The following KDM4B variants were observed in gnomAD, a reference collection of about 807,000 sequenced individuals.
KDM4B encodes lysine demethylase 4B, also known as lysine-specific demethylase 4B.
KDM4B carries 32 observed loss-of-function variants against 125.2 expected under a neutral mutation model. The observed-to-expected ratio is 0.26, with a 90% confidence interval of 0.19 to 0.34. KDM4B has a LOEUF of 0.34. Ranked by LOEUF, KDM4B falls within the 10% of genes least tolerant of loss-of-function variation. KDM4B has a pLI of 1.00. For synonymous variants in KDM4B, 721 were observed against 677.9 expected (o/e 1.06, Z -0.99); for missense variants, 1,190 against 1,577.7 (o/e 0.75, Z 4.16).
intron 6 of KDM4B, among the ~76,000 whole-genome samples, chr19:5,062,806 AG>A (rs1014882686): frequency 1.7e-5 from 2 of 118,020 alleles, no homozygotes; most frequent in African/African-American, 6.5e-5. Flanking sequence ...TTAGAGATAG[AG>A]TTTCCCTCTG....
chr19:4,971,814 C>T lies in KDM4B; in HGVS notation c.-109+2584C>T, dbSNP rs921853309. On this transcript the variant is annotated intron_variant, in intron 1 of 22. Coordinates refer to ENST00000159111, the MANE Select transcript of KDM4B (RefSeq NM_015015.3). The surrounding 1 kb of genome is among the most constrained non-coding windows in gnomAD (Gnocchi z 4.1). ...TGGCTTTGTTCCCTGGATCGGGGAG[C>T]GGAATTGGGGGTTCAGAGCTGGGTG... Among the ~76,000 whole-genome samples, 4 of 151,920 alleles carry T rather than the reference C, an allele frequency of 2.6e-5. No homozygotes were observed. Among genetic ancestry groups the T allele is most frequent in the East Asian group, 1.9e-4 (1 of 5,184 alleles).
In KDM4B at chr19:5,093,536, C is replaced by T. The variant is rs549153747; in HGVS notation, c.918+11032C>T. Among the ~76,000 whole-genome samples, 87 of 152,346 alleles carry T rather than the reference C, an allele frequency of 5.7e-4. No individual in the cohort carries two copies. The South Asian group carries it at 7.7e-3, about 13-fold the overall frequency. ...TAATGAACTGGTTTGTTATCGGCCT[C>T]ACTGCAGCGCTGATAATTACATCAG... On this transcript the variant is annotated intron_variant, in intron 9 of 22. Coordinates refer to ENST00000159111, the MANE Select transcript of KDM4B (RefSeq NM_015015.3).
At chr19:5,055,727 G>C (rs1599518332) in intron 6 of KDM4B, among the ~76,000 whole-genome samples, 1 of 152,316 alleles carries the variant, frequency 6.6e-6, no homozygotes, top group East Asian at 1.9e-4. Flanking sequence ...TCTCATTCTT[G>C]TCCCAGGCTT....
intron 5 of KDM4B, among the ~76,000 whole-genome samples, chr19:5,045,648 A>C (rs2037002441): frequency 6.6e-6 from 1 of 151,124 alleles, no homozygotes; most frequent in Non-Finnish European, 1.5e-5. Context: ...CTAATTTTTG[A>C]ATTTTTAGTA....
chr19:4,970,268 G>C (rs1359544671), intron 1 of KDM4B, among the ~76,000 whole-genome samples: 1 of 152,232 alleles, frequency 6.6e-6, no homozygotes, highest in African/African-American at 2.4e-5. Context: ...TGTTTGCTTG[G>C]GGGAGGATGC....
chr19:5,070,800 G>T, intron 6 of KDM4B: 1 of 507,686 alleles, frequency 2.0e-6, no homozygotes, highest in Non-Finnish European at 3.5e-6. Flanking sequence ...CTCACTCCCC[G>T]CTCCTCCACC....
At chr19:5,039,690 TGGG>T (rs34116402) in intron 3 of KDM4B, 143 bp from the exon 4 acceptor site, 16 of 807,212 alleles carry the variant, frequency 2.0e-5, no homozygotes, top group South Asian at 1.8e-4. Context: ...ATAAGGCAAA[TGGG>T]GGGGTTCCTC....
chr19:5,125,163 C>G (rs1375810392), intron 11 of KDM4B, among the ~76,000 whole-genome samples: 1 of 152,246 alleles, frequency 6.6e-6, no homozygotes, highest in Non-Finnish European at 1.5e-5. Context: ...GCTGGGATTA[C>G]AGGTATGAGC....
At chr19:5,119,968 A>C (rs1239960003) in intron 11 of KDM4B, 116 bp downstream of exon 11, 3 of 1,307,872 alleles carry the variant, frequency 2.3e-6, no homozygotes, top group African/African-American at 1.5e-5. Flanking sequence ...AATCTGATTC[A>C]GTGGCTTTCT....
intron 9 of KDM4B, among the ~76,000 whole-genome samples, chr19:5,103,546 C>T (rs2038978500): frequency 6.6e-6 from 1 of 152,186 alleles, no homozygotes; most frequent in African/African-American, 2.4e-5. Context: ...GGTGTTTGGG[C>T]ACCAGCTGAC....
At chr19:5,063,945 G>A (rs374640869) in intron 6 of KDM4B, among the ~76,000 whole-genome samples, 36 of 152,306 alleles carry the variant, frequency 2.4e-4, no homozygotes, top group African/African-American at 5.8e-4. Context: ...TGAGGGGCTC[G>A]TGTGGATGTG....
Position 5,131,139 on chromosome 19 carries a change from G to C in KDM4B, c.1379G>C (p.Gly460Ala). ...AGCGAGCGGAAGAAGAAGAGCTTCGGCCTGCTGCCCCCACAGCTGCCGCCC... is the reference window on the plus strand; with the variant it reads ...AGCGAGCGGAAGAAGAAGAGCTTCGCCCTGCTGCCCCCACAGCTGCCGCCC... ...AKSERKKKSF[G>A]LLPPQLPPPP... is the part of the protein sequence containing the mutation. The change falls in exon 12 of 23, where the codon GGC becomes GCC. Residue 460 changes from glycine to alanine, a missense_variant. Gly to Ala is a moderately conservative substitution (Grantham distance 60). Coordinates refer to ENST00000159111, the MANE Select transcript of KDM4B (RefSeq NM_015015.3). 6.5e-7 allele frequency: 1 copy of C among 1,541,986 alleles called. No individual in the cohort carries two copies. The highest frequency in any genetic ancestry group is 8.7e-7 in the Non-Finnish European group (1 of 1,144,270).
chr19:5,146,939 C>CAAAAAAAA lies in KDM4B; in HGVS notation c.3021+2053_3021+2060dup, dbSNP rs1182135277. 9.9e-3 allele frequency among the ~76,000 whole-genome samples: 593 copies of CAAAAAAAA among 59,982 alleles called. 5 individuals are homozygous for CAAAAAAAA. Among genetic ancestry groups the CAAAAAAAA allele is most frequent in the Non-Finnish European group, 0.01 (364 of 34,906 alleles). The allele number at this position is 59,982 out of a possible 152,430, so 39.4% of individuals were successfully genotyped here. Reference sequence around the variant, plus strand: ...TTGGGTGACACTGAGACCCTGTCTCCAAAAAAAAAAAAAAAAAAAAAAACA... The same window carrying CAAAAAAAA: ...TTGGGTGACACTGAGACCCTGTCTCCAAAAAAAAAAAAAAAAAAAAAAAAAAAAAAACA... On this transcript the variant is annotated intron_variant, in intron 21 of 22. Coordinates refer to ENST00000159111, the MANE Select transcript of KDM4B (RefSeq NM_015015.3).
chr19:4,995,015 T>C (rs2145400031), intron 1 of KDM4B, among the ~76,000 whole-genome samples: 1 of 152,214 alleles, frequency 6.6e-6, no homozygotes, highest in African/African-American at 2.4e-5. Flanking sequence ...ATGGCTTGGG[T>C]TTTCAAGGAT....
intron 21 of KDM4B, among the ~76,000 whole-genome samples, chr19:5,147,827 G>T (rs558167069): frequency 6.6e-6 from 1 of 152,210 alleles, no homozygotes; most frequent in South Asian, 2.1e-4. Flanking sequence ...GGGTGGTATC[G>T]GAAGCCAGCA....
At chr19:4,989,751 C>A (rs1483991403) in intron 1 of KDM4B, among the ~76,000 whole-genome samples, 1 of 152,040 alleles carries the variant, frequency 6.6e-6, no homozygotes, top group African/African-American at 2.4e-5. Flanking sequence ...CTTCTGGGTT[C>A]AAGCGATTCT....
intron 9 of KDM4B, among the ~76,000 whole-genome samples, chr19:5,094,373 C>T (rs903670789): frequency 3.3e-5 from 5 of 152,202 alleles, no homozygotes; most frequent in African/African-American, 1.2e-4. Flanking sequence ...AGAGGCCAAA[C>T]GTCAGAGGTC....
chr19:5,130,076 C>G (rs549304898), intron 11 of KDM4B, among the ~76,000 whole-genome samples: 49 of 152,320 alleles, frequency 3.2e-4, no homozygotes, highest in African/African-American at 1.1e-3. Context: ...CGAGTCCCTT[C>G]CTCTCCCTTC....
chr19:5,017,038 G>A (rs2035913769), intron 2 of KDM4B, among the ~76,000 whole-genome samples: 2 of 152,230 alleles, frequency 1.3e-5, no homozygotes, highest in Admixed American at 6.5e-5. Flanking sequence ...AGCGGCGGCC[G>A]GCAGAGCACC....
Sources: gnomAD v4.1 joint callset for allele counts (sites outside exome capture counted in the v4.1 genomes callset) on GRCh38, gnomAD v4.1.1 for gene constraint, Gnocchi (gnomAD v3.1) non-coding constraint, MANE v1.5 for transcripts, NCBI Gene and HGNC (gene_info 2026-07-23, HGNC 2026-07-21) for gene names.